CTNNA3: variants seen among roughly 807,000 people sequenced by gnomAD.
CTNNA3 encodes catenin alpha-3.
CTNNA3 carries 76 observed loss-of-function variants against 95.7 expected under a neutral mutation model. That is an observed-to-expected ratio of 0.79 (90% CI 0.66 to 0.96). CTNNA3 has a LOEUF of 0.96. CTNNA3 is among the 40% of genes least tolerant of loss of function. The pLI is 0.00. For synonymous variants in CTNNA3, 431 were observed against 374.4 expected (o/e 1.15, Z -1.74); for missense variants, 1,191 against 1,089.8 (o/e 1.09, Z -1.31).
intron 14 of CTNNA3, among the ~76,000 whole-genome samples, chr10:66,102,687 T>C (rs2081689696): frequency 6.6e-6 from 1 of 151,804 alleles, no homozygotes; most frequent in African/African-American, 2.4e-5. Context: ...TGGAGTTGTG[T>C]GGTGGTGGTG....
intron 9 of CTNNA3, among the ~76,000 whole-genome samples, chr10:66,631,063 G>A (rs566324887): frequency 6.6e-6 from 1 of 152,292 alleles, no homozygotes; most frequent in East Asian, 1.9e-4. Context: ...ACTGTAGTAA[G>A]AGTGTTACAT....
At chr10:67,206,018 A>G (rs373155463) in intron 6 of CTNNA3, among the ~76,000 whole-genome samples, 9 of 152,156 alleles carry the variant, frequency 5.9e-5, no homozygotes, top group African/African-American at 2.2e-4. Flanking sequence ...TAGTGTCCCT[A>G]TCTCCCAGTT....
chr10:65,933,509 G>C (rs2077286381), intron 17 of CTNNA3, among the ~76,000 whole-genome samples: 3 of 152,256 alleles, frequency 2.0e-5, no homozygotes. Context: ...CTACTCATAA[G>C]AAATGTGTTC....
chr10:67,153,397 G>T (rs1405824705), intron 7 of CTNNA3, among the ~76,000 whole-genome samples: 1 of 152,192 alleles, frequency 6.6e-6, no homozygotes, highest in Non-Finnish European at 1.5e-5. Context: ...ATAATAATGT[G>T]CAGCCAGGAT....
intron 7 of CTNNA3, among the ~76,000 whole-genome samples, chr10:66,943,429 T>A (rs1393773060): frequency 6.6e-6 from 1 of 152,006 alleles, no homozygotes; most frequent in Non-Finnish European, 1.5e-5. Flanking sequence ...TTATGGTATA[T>A]CTTCAAGATG....
intron 11 of CTNNA3, among the ~76,000 whole-genome samples, chr10:66,460,299 A>C (rs145383944): frequency 8.1e-4 from 124 of 152,318 alleles, no homozygotes; most frequent in African/African-American, 2.9e-3. Flanking sequence ...AATGTAAATT[A>C]AGTACAGCAC....
chr10:66,524,091 G>T (rs1431364555), intron 10 of CTNNA3, among the ~76,000 whole-genome samples: 2 of 69,672 alleles, frequency 2.9e-5, no homozygotes, highest in African/African-American at 9.5e-5. Flanking sequence ...CTGCCTTAAT[G>T]CCCTTGCTCC....
intron 7 of CTNNA3, among the ~76,000 whole-genome samples, chr10:66,929,085 G>A (rs1847230785): frequency 6.6e-6 from 1 of 152,160 alleles, no homozygotes; most frequent in Non-Finnish European, 1.5e-5. Flanking sequence ...AAGTGATGAA[G>A]GGTTAAAATA....
intron 5 of CTNNA3, among the ~76,000 whole-genome samples, chr10:67,318,880 C>T (rs931999808): frequency 6.6e-6 from 1 of 152,198 alleles, no homozygotes; most frequent in Non-Finnish European, 1.5e-5. Flanking sequence ...CTTAACATAG[C>T]AGACCTAACT....
chr10:67,719,597 T>C (rs1326764044), intron 1 of CTNNA3, among the ~76,000 whole-genome samples: 1 of 152,210 alleles, frequency 6.6e-6, no homozygotes, highest in Non-Finnish European at 1.5e-5. Context: ...AGTTTCCATG[T>C]AGTTGAGCGG....
intron 2 of CTNNA3, among the ~76,000 whole-genome samples, chr10:67,631,672 C>T (rs1045610421): frequency 1.3e-5 from 2 of 152,124 alleles, no homozygotes; most frequent in African/African-American, 4.8e-5. Context: ...TGTACTTAAA[C>T]CATGTAACTA....
At chr10:67,680,442 G>A (rs887374776) in intron 1 of CTNNA3, among the ~76,000 whole-genome samples, 2 of 152,196 alleles carry the variant, frequency 1.3e-5, no homozygotes, top group African/African-American at 4.8e-5. Context: ...TGGCTTGGGT[G>A]AGATTTTAGA....
intron 9 of CTNNA3, among the ~76,000 whole-genome samples, chr10:66,637,500 G>A (rs1184625605): frequency 6.6e-6 from 1 of 152,240 alleles, no homozygotes. Flanking sequence ...TTTTGACCCT[G>A]TTTCAGAAGG....
intron 9 of CTNNA3, among the ~76,000 whole-genome samples, chr10:66,637,044 T>C (rs965750319): frequency 1.8e-4 from 28 of 152,286 alleles, no homozygotes; most frequent in African/African-American, 5.8e-4. Context: ...TTGAATTGTT[T>C]AATAAAACTC....
At chr10:67,682,354 A>T (rs1840644308) in intron 1 of CTNNA3, among the ~76,000 whole-genome samples, 1 of 151,990 alleles carries the variant, frequency 6.6e-6, no homozygotes. Context: ...CAATAGAAAA[A>T]ATTGGGCAAG....
At chr10:66,952,313 T>C (rs1313245751) in intron 7 of CTNNA3, among the ~76,000 whole-genome samples, 3 of 152,174 alleles carry the variant, frequency 2.0e-5, no homozygotes, top group African/African-American at 7.2e-5. Context: ...GAGACAGATG[T>C]CACTTTTATA....
intron 13 of CTNNA3, among the ~76,000 whole-genome samples, chr10:66,199,787 A>ATG (rs2087228717): frequency 8.2e-5 from 1 of 12,244 alleles, no homozygotes; most frequent in Non-Finnish European, 1.5e-4. Flanking sequence ...ATATATATAT[A>ATG]TATATATATA....
intron 15 of CTNNA3, among the ~76,000 whole-genome samples, chr10:66,014,778 A>G (rs1443946741): frequency 2.0e-5 from 3 of 152,212 alleles, no homozygotes; most frequent in African/African-American, 4.8e-5. Flanking sequence ...GGGCTACTGC[A>G]TGGAACAATG....
At chr10:65,997,082 C>T (rs576162421) in intron 15 of CTNNA3, among the ~76,000 whole-genome samples, 1 of 152,078 alleles carries the variant, frequency 6.6e-6, no homozygotes, top group South Asian at 2.1e-4. Context: ...AAGTCCAAGC[C>T]TAAGAAATGT....
Sources: allele counts gnomAD v4.1 joint callset (sites outside exome capture counted in the v4.1 genomes callset), GRCh38; gene constraint gnomAD v4.1.1; transcripts MANE v1.5; gene names NCBI Gene and HGNC (gene_info 2026-07-23, HGNC 2026-07-21).